The following HARS2 variants were observed in gnomAD, a reference collection of about 807,000 sequenced individuals.
HARS2 encodes the protein histidyl-tRNA synthetase 2, mitochondrial, also known as histidine--tRNA ligase, mitochondrial.
Under a neutral mutation model 62.4 loss-of-function variants are expected in HARS2, and 40 were observed. The ratio of observed to expected loss-of-function variants is 0.64; its 90% CI spans 0.50 to 0.83. HARS2 has a LOEUF of 0.83. Among genes scored for constraint, HARS2 ranks in the 40% least tolerant of loss-of-function variants. The pLI, the probability that HARS2 is intolerant of heterozygous loss-of-function variation, is 0.00. For missense variants in HARS2, 569 were observed against 626.4 expected, an observed-to-expected ratio of 0.91 and a Z score of 0.98; for synonymous variants, 228 against 227.0, an observed-to-expected ratio of 1.00 and a Z score of -0.04.
At position 140,698,341 on chromosome 5, in the gene HARS2, G is replaced by A. The variant is rs1759841650; in HGVS notation, c.1462-152G>A. On this transcript the variant is annotated intron_variant, in intron 12 of 12. Coordinates refer to ENST00000230771, the MANE Select transcript of HARS2 (RefSeq NM_012208.4). ...GGTGTTTGAATCCCTTTCATCTTGA[G>A]GGTATACATTCTTCAGGTCAACCCA... is the stretch of plus-strand genomic sequence containing the variant. 3.8e-6 allele frequency: 3 copies of A among 780,162 alleles called. No individual in the cohort carries two copies. The East Asian group carries it at 7.5e-5, about 19-fold the overall frequency. The allele number at this position is 780,162 out of a possible 1,614,324, so 48.3% of individuals were successfully genotyped here.
In HARS2 at chr5:140,696,167, G is replaced by A. The variant is rs771275914; in HGVS notation, c.698G>A (p.Arg233His). The stretch of plus-strand genomic sequence containing the variant: ...TGTGGTGTTCCTGAAAGCAAGTTCC[G>A]TGCCATCTGCTCCTCCATAGATAAA... ...AVCGVPESKF[R>H]AICSSIDKLD... Residue 233 changes from arginine to histidine, a missense_variant, in exon 7 of 13, where the codon CGT becomes CAT. Physicochemically the swap from Arg to His is conservative, Grantham distance 29. Transcript: ENST00000230771. 40 of 1,613,376 alleles carry A rather than the reference G, an allele frequency of 2.5e-5. No homozygotes were observed. The highest frequency in any genetic ancestry group is 2.9e-5 in the Non-Finnish European group (34 of 1,179,508).
intron 6 of HARS2, 66 bp from the exon 7 acceptor site, chr5:140,696,037 G>C: frequency 8.6e-7 from 1 of 1,158,988 alleles, no homozygotes; most frequent in Non-Finnish European, 1.3e-6. Flanking sequence ...AGGAAAGTAG[G>C]TACTGCCATT....
chr5:140,697,933 C>G lies in HARS2; in HGVS notation c.1316C>G (p.Ala439Gly), dbSNP rs1160767461. ...IAELWDSGIK[A>G]EMLYKNNPKL... Reference sequence around the variant, plus strand: ...TTACTCTGTCTTGATCCTTTTCAGGCAGAGATGCTATACAAGAACAACCCC... The same window carrying G: ...TTACTCTGTCTTGATCCTTTTCAGGGAGAGATGCTATACAAGAACAACCCC... The change falls in exon 12 of 13, where the codon GCA becomes GGA. Residue 439 changes from alanine (A) to glycine (G), a missense_variant and splice_region_variant. Ala to Gly is a moderately conservative substitution (Grantham distance 60). Coordinates refer to ENST00000230771, the MANE Select transcript of HARS2 (RefSeq NM_012208.4). 1 of 1,613,386 alleles carries G rather than the reference C, an allele frequency of 6.2e-7. No homozygotes were observed. Among genetic ancestry groups the G allele is most frequent in the Non-Finnish European group, 8.5e-7 (1 of 1,179,456 alleles).
chr5:140,693,507 A>G (rs747042254), intron 1 of HARS2, 84 bp from the exon 2 acceptor site: 1 of 1,610,700 alleles, frequency 6.2e-7, no homozygotes, highest in African/African-American at 1.3e-5. Context: ...GAGTCTTTGC[A>G]GGTTGGTGGT....
chr5:140,691,522 A>C lies in HARS2; in HGVS notation c.-127A>C, dbSNP rs1759459598. 2 of 777,462 alleles carry C rather than the reference A, an allele frequency of 2.6e-6. No individual in the cohort carries two copies. Among genetic ancestry groups the C allele is most frequent in the African/African-American group, 3.4e-5 (2 of 58,554 alleles). The allele number at this position is 777,462 out of a possible 1,614,324, so 48.2% of individuals were successfully genotyped here. A position where few individuals can be genotyped will look rare whatever the true frequency, so the allele number is the denominator to read the frequency against. On this transcript the variant is annotated 5_prime_UTR_variant, in exon 1 of 13. Transcript: ENST00000230771. The stretch of plus-strand genomic sequence containing the variant: ...AGCCTTCGTGACTAGTGAGGTGCGC[A>C]AACGCCCGAGTTTTCCCTGGTGCGC...
rs774239087 is a variant in HARS2 at position 140,696,612 on chromosome 5, A to G, written c.824A>G (p.His275Arg). The part of the protein sequence containing the change: ...ADRIGDYVQC[H>R]GGVSLVEQMF... ...CGAATTGGGGACTATGTCCAGTGTC[A>G]TGGTAAGAACCAGGGTTTTCAGAGC... The change falls in exon 8 of 13, where the codon CAT becomes CGT. Residue 275 changes from histidine to arginine, a missense_variant and splice_region_variant. Transcript: ENST00000230771. 1 of 1,603,478 alleles carries G rather than the reference A, an allele frequency of 6.2e-7. No individual in the cohort carries two copies. Among genetic ancestry groups the G allele is most frequent in the East Asian group, 2.2e-5 (1 of 44,830 alleles).
intron 4 of HARS2, 127 bp from the exon 5 acceptor site, chr5:140,695,381 T>A: frequency 9.7e-7 from 1 of 1,034,078 alleles, no homozygotes; most frequent in South Asian, 1.3e-5. Flanking sequence ...TTGGGGATAG[T>A]GGAAAAAAGG....
intron 4 of HARS2, among the ~76,000 whole-genome samples, chr5:140,695,166 G>A (rs1759694005): frequency 6.6e-6 from 1 of 152,182 alleles, no homozygotes; most frequent in African/African-American, 2.4e-5. Context: ...TAGCTTAGAA[G>A]TTGTTAGGCA....
intron 2 of HARS2, 36 bp from the exon 3 acceptor site, chr5:140,693,899 G>C (rs910202481): frequency 1.9e-6 from 3 of 1,613,206 alleles, no homozygotes; most frequent in Non-Finnish European, 2.5e-6. Flanking sequence ...CTTATTTTTT[G>C]TTTTTGTTTT....
At chr5:140,693,726 C>T in intron 2 of HARS2, 61 bp downstream of exon 2, 1 of 1,361,294 alleles carries the variant, frequency 7.3e-7, no homozygotes, top group Middle Eastern at 1.8e-4. Context: ...CTCTGCCTTG[C>T]ATGTCTCTCT....
Position 140,698,615 on chromosome 5 carries a change from C to G in HARS2, c.*63C>G. On this transcript the variant is annotated 3_prime_UTR_variant, in exon 13 of 13. Transcript: ENST00000230771. Reference sequence around the variant, plus strand: ...AGGTTTCCTCTAGAACTGAATTCCTCTGGAATTGAGTGATGGACTTCACAA... The same window carrying G: ...AGGTTTCCTCTAGAACTGAATTCCTGTGGAATTGAGTGATGGACTTCACAA... 7.2e-6 allele frequency: 9 copies of G among 1,258,078 alleles called. No homozygotes were observed. Among genetic ancestry groups the G allele is most frequent in the Non-Finnish European group, 8.2e-6 (7 of 854,300 alleles). 77.9% of individuals were successfully genotyped at this position (1,258,078 alleles called of 1,614,324 possible).
Position 140,697,377 on chromosome 5 carries a change from A to T in HARS2, c.1168A>T (p.Ile390Phe). The T allele has an allele frequency of 6.2e-7, 1 of 1,614,002 alleles. No homozygotes were observed. ...GGGACTCAGCATTGGGGTTGAGCGA[A>T]TCTTCTACATTGTGGAGCAGAGGAT... ...CVGLSIGVERIFYIVEQRMKT... is the reference protein window; with the variant it reads ...CVGLSIGVERFFYIVEQRMKT... The change falls in exon 10 of 13, where the codon ATC becomes TTC. Residue 390 changes from isoleucine to phenylalanine, a missense_variant. Transcript: ENST00000230771.
chr5:140,695,889 C>T lies in HARS2; in HGVS notation c.633+44C>T, dbSNP rs17119056. Reference sequence around the variant, plus strand: ...ACTGTGGGAGAAGTCTGGATTTGGCCTAATACTGTTTATGCAAGTCCCAAA... The same window carrying T: ...ACTGTGGGAGAAGTCTGGATTTGGCTTAATACTGTTTATGCAAGTCCCAAA... On this transcript the variant is annotated intron_variant, in intron 6 of 12. Transcript: ENST00000230771. 121,585 of 1,429,014 alleles carry T rather than the reference C, an allele frequency of 0.085. 5,531 individuals carry two copies. The highest frequency in any genetic ancestry group is 0.1 in the Admixed American group (6,084 of 59,786). 88.5% of individuals were successfully genotyped at this position (1,429,014 alleles called of 1,614,324 possible).
intron 11 of HARS2, 28 bp from the exon 12 acceptor site, chr5:140,697,904 T>G: frequency 1.2e-6 from 2 of 1,610,418 alleles, no homozygotes; most frequent in East Asian, 2.2e-5. Context: ...CACTTCTAAG[T>G]CCCTTACTCT....
At chr5:140,695,476 A>G (rs781085708) in intron 4 of HARS2, 32 bp from the exon 5 acceptor site, 1 of 1,613,388 alleles carries the variant, frequency 6.2e-7, no homozygotes, top group East Asian at 2.2e-5. Flanking sequence ...CTTTGGATGC[A>G]GTATCCCTCT....
chr5:140,698,633 C>G lies in HARS2; in HGVS notation c.*81C>G. On this transcript the variant is annotated 3_prime_UTR_variant, in exon 13 of 13. Coordinates refer to ENST00000230771, the MANE Select transcript of HARS2 (RefSeq NM_012208.4). ...AATTCCTCTGGAATTGAGTGATGGA[C>G]TTCACAACAACTAGCCAGGAAGGGT... is the stretch of plus-strand genomic sequence containing the variant. The G allele has an allele frequency of 9.2e-7, 1 of 1,092,192 alleles. No individual in the cohort carries two copies. Among genetic ancestry groups the G allele is most frequent in the Non-Finnish European group, 1.4e-6 (1 of 702,646 alleles). The allele number at this position is 1,092,192 out of a possible 1,614,324, so 67.7% of individuals were successfully genotyped here.
At chr5:140,698,378 T>C (rs1402913432) in intron 12 of HARS2, 115 bp from the exon 13 acceptor site, 2 of 876,236 alleles carry the variant, frequency 2.3e-6, no homozygotes, top group African/African-American at 3.3e-5. Flanking sequence ...ACTACTCCTT[T>C]CTGGTTGTAT....
intron 4 of HARS2, among the ~76,000 whole-genome samples, chr5:140,695,257 G>A (rs1367637866): frequency 6.6e-6 from 1 of 152,180 alleles, no homozygotes. Context: ...GTTAGTTCTT[G>A]GGTCACTTCT....
At chr5:140,696,663 CAT>C (rs1392504930) in intron 8 of HARS2, 49 bp downstream of exon 8, 4 of 1,256,972 alleles carry the variant, frequency 3.2e-6, no homozygotes, top group South Asian at 1.2e-5. Context: ...CTGAAGGTGA[CAT>C]GTGCTCAAAT....
Sources: gnomAD v4.1 joint callset for allele counts (sites outside exome capture counted in the v4.1 genomes callset) on GRCh38, gnomAD v4.1.1 for gene constraint, MANE v1.5 for transcripts, NCBI Gene and HGNC (gene_info 2026-07-23, HGNC 2026-07-21) for gene names.